Variants in DACH2 observed in about 807,000 individuals in gnomAD.
The protein encoded by DACH2 is dachshund homolog 2.
DACH2 carries 17 observed loss-of-function variants against 35.8 expected under a neutral mutation model. The observed-to-expected ratio is 0.48, with a 90% confidence interval of 0.33 to 0.71. The LOEUF (loss-of-function observed/expected upper bound fraction) is 0.71. Among genes scored for constraint, DACH2 ranks in the 30% least tolerant of loss-of-function variants. The probability of loss-of-function intolerance (pLI) is 0.02; values close to 1 mark genes in which losing one functional copy is unlikely to be tolerated. For synonymous variants in DACH2, 195 were observed against 177.3 expected, an observed-to-expected ratio of 1.10 and a Z score of -0.79; for missense variants, 469 against 472.7, an observed-to-expected ratio of 0.99 and a Z score of 0.07.
At chrX:86,406,853 G>T (rs2036535539) in intron 2 of DACH2, among the ~76,000 whole-genome samples, 2 of 111,797 alleles carry the variant, frequency 1.8e-5, no homozygotes, top group Non-Finnish European at 1.9e-5. Context: ...AATATTCTTA[G>T]ATCTAAATTT....
At chrX:86,219,910 C>G (rs2032662664) in intron 1 of DACH2, among the ~76,000 whole-genome samples, 2 of 105,888 alleles carry the variant, frequency 1.9e-5, no homozygotes, top group African/African-American at 3.5e-5. Context: ...AATCCCAGCA[C>G]TTTGGGAGGC....
At chrX:86,438,219 G>T (rs72633147) in intron 2 of DACH2, among the ~76,000 whole-genome samples, 3,367 of 81,130 alleles carry the variant, frequency 0.042, 76 homozygotes, top group East Asian at 0.22. Context: ...GATCTCGTAG[G>T]TTTTTTTTTT....
chrX:86,484,845 T>C (rs1002765813), intron 2 of DACH2, among the ~76,000 whole-genome samples: 2 of 112,383 alleles, frequency 1.8e-5, no homozygotes, highest in Non-Finnish European at 3.8e-5. Flanking sequence ...ATATTTCAGA[T>C]ACTACCGTAT....
At chrX:86,308,266 CAATT>C (rs1371170168) in intron 1 of DACH2, among the ~76,000 whole-genome samples, 1 of 112,717 alleles carries the variant, frequency 8.9e-6, no homozygotes, top group Non-Finnish European at 1.9e-5. Flanking sequence ...GTGGGAACCA[CAATT>C]ACTCAGCTAC....
At chrX:86,633,789 T>C in intron 3 of DACH2, among the ~76,000 whole-genome samples, 1 of 111,882 alleles carries the variant, frequency 8.9e-6, no homozygotes, top group Middle Eastern at 4.6e-3. Context: ...CCAAGTGGTT[T>C]TTACACAAGA....
At chrX:86,570,044 A>C (rs1322221190) in intron 3 of DACH2, among the ~76,000 whole-genome samples, 1 of 111,777 alleles carries the variant, frequency 8.9e-6, no homozygotes, top group African/African-American at 3.3e-5. Flanking sequence ...ATGAGATACC[A>C]GCTCATGCCA....
chrX:86,428,742 C>G (rs1242144021), intron 2 of DACH2, among the ~76,000 whole-genome samples: 1 of 109,294 alleles, frequency 9.1e-6, no homozygotes, highest in Admixed American at 1.0e-4. Flanking sequence ...AATTCCCATT[C>G]CTAAGTTTCG....
At chrX:86,556,653 G>A (rs5923558) in intron 3 of DACH2, among the ~76,000 whole-genome samples, 33,684 of 103,196 alleles carry the variant, frequency 0.33, 4,634 homozygotes, top group Middle Eastern at 0.46. Flanking sequence ...TCATCTATCA[G>A]ATGGGAATGA....
chrX:86,148,833 C>G lies in DACH2; in HGVS notation c.213C>G (p.Val71=). The G allele has an allele frequency of 1.7e-6, 2 of 1,211,549 alleles. No homozygotes were observed. The highest frequency in any genetic ancestry group is 3.5e-5 in the African/African-American group (2 of 57,756). Residue 71 remains valine (V), a synonymous_variant, in exon 1 of 12, where the codon GTC becomes GTG. Transcript: ENST00000373125. ...CCAACACCAACGAGTGCCGCATGGTCGACATGCACGGGATGAAGGTGGCTT... is the reference window on the plus strand; with the variant it reads ...CCAACACCAACGAGTGCCGCATGGTGGACATGCACGGGATGAAGGTGGCTT... ...GNTNTNECRM[V]DMHGMKVASF...
chrX:86,662,771 AT>A (rs1226605694), intron 4 of DACH2, among the ~76,000 whole-genome samples: 4 of 111,422 alleles, frequency 3.6e-5, no homozygotes, highest in Non-Finnish European at 7.5e-5. Flanking sequence ...ATCTTCCTAG[AT>A]TTTTTTCTCT....
At position 86,787,541 on chromosome X, in the gene DACH2, C is replaced by G. The variant is rs777909100; in HGVS notation, c.1241-25315C>G. The stretch of plus-strand genomic sequence containing the variant: ...GCTGAGGCAAAAGAGTCTCTTGAAC[C>G]CAGGAGGCGGAGGTTGCAGTGAGCC... On this transcript the variant is annotated intron_variant, in intron 7 of 11. Transcript: ENST00000373125. Among the ~76,000 whole-genome samples, 95 of 108,613 alleles carry G rather than the reference C, an allele frequency of 8.7e-4. 1 individual carries two copies. Among genetic ancestry groups the G allele is most frequent in the Non-Finnish European group, 1.6e-3 (85 of 52,303 alleles). 94.3% of individuals were successfully genotyped at this position (108,613 alleles called of 115,157 possible). A position where few individuals can be genotyped will look rare whatever the true frequency, so the allele number is the denominator to read the frequency against.
At chrX:86,761,519 C>T (rs1317125152) in intron 7 of DACH2, among the ~76,000 whole-genome samples, 1 of 111,268 alleles carries the variant, frequency 9.0e-6, no homozygotes, top group Non-Finnish European at 1.9e-5. Flanking sequence ...ACCAGAGATA[C>T]CATTTGACCC....
At chrX:86,554,683 G>A (rs998813624) in intron 3 of DACH2, among the ~76,000 whole-genome samples, 1 of 111,234 alleles carries the variant, frequency 9.0e-6, no homozygotes, top group Admixed American at 9.6e-5. Flanking sequence ...CCTATCTAAC[G>A]ACCAATTAAG....
chrX:86,279,165 G>A (rs1051652248), intron 1 of DACH2, among the ~76,000 whole-genome samples: 6 of 112,047 alleles, frequency 5.4e-5, no homozygotes, highest in African/African-American at 9.7e-5. Flanking sequence ...GAGAGCAGCC[G>A]ATGTCCCAGC....
intron 1 of DACH2, among the ~76,000 whole-genome samples, chrX:86,185,592 G>A (rs1056486490): frequency 9.0e-6 from 1 of 111,410 alleles, no homozygotes. Context: ...GTTAATATCA[G>A]TTTGCTGGTA....
intron 2 of DACH2, among the ~76,000 whole-genome samples, chrX:86,383,126 A>G (rs909766479): frequency 2.7e-5 from 3 of 110,655 alleles, no homozygotes; most frequent in African/African-American, 9.8e-5. Flanking sequence ...TTTTTTCATA[A>G]ACACGAAATA....
At chrX:86,554,677 T>G (rs2039093806) in intron 3 of DACH2, among the ~76,000 whole-genome samples, 1 of 111,715 alleles carries the variant, frequency 9.0e-6, no homozygotes, top group Non-Finnish European at 1.9e-5. Flanking sequence ...TTGAGTCCTA[T>G]CTAACGACCA....
intron 1 of DACH2, among the ~76,000 whole-genome samples, chrX:86,322,530 C>G (rs1320372532): frequency 8.9e-6 from 1 of 111,774 alleles, no homozygotes; most frequent in African/African-American, 3.3e-5. Context: ...GTATGACCCT[C>G]AAACATGGGA....
chrX:86,717,747 A>AATATAT (rs3071844), intron 6 of DACH2, among the ~76,000 whole-genome samples: 1,009 of 98,450 alleles, frequency 0.01, 13 homozygotes, highest in East Asian at 0.028. Context: ...TATTATATAT[A>AATATAT]ATATATATAT....
Sources: gnomAD v4.1 joint callset for allele counts (sites outside exome capture counted in the v4.1 genomes callset) on GRCh38, gnomAD v4.1.1 for gene constraint, MANE v1.5 for transcripts, NCBI Gene and HGNC (gene_info 2026-07-23, HGNC 2026-07-21) for gene names.